Variants in GAB2 observed in about 807,000 individuals in gnomAD.
GAB2 encodes the protein GRB2 associated binding protein 2, also known as GRB2-associated-binding protein 2.
A neutral mutation model predicts 65.5 loss-of-function variants in GAB2; 26 were observed. The ratio of observed to expected loss-of-function variants is 0.40; its 90% CI spans 0.29 to 0.55. The LOEUF (loss-of-function observed/expected upper bound fraction) is 0.55, where lower values mean the gene tolerates loss of function less well. Among genes scored for constraint, GAB2 ranks in the 20% least tolerant of loss-of-function variants. The pLI, the probability that GAB2 is intolerant of heterozygous loss-of-function variation, is 0.53. For missense variants in GAB2, 884 were observed against 875.8 expected, an observed-to-expected ratio of 1.01 and a Z score of -0.12; for synonymous variants, 321 against 329.6, an observed-to-expected ratio of 0.97 and a Z score of 0.28.
intron 8 of GAB2, 41 bp from the exon 9 acceptor site, chr11:78,220,485 CA>C: frequency 6.6e-7 from 1 of 1,523,662 alleles, no homozygotes; most frequent in Non-Finnish European, 8.9e-7. Context: ...CTGCAGAAAA[CA>C]GACTAACCCA....
chr11:78,305,222 C>T (rs1855330957), intron 1 of GAB2, among the ~76,000 whole-genome samples: 1 of 152,184 alleles, frequency 6.6e-6, no homozygotes, highest in Non-Finnish European at 1.5e-5. Flanking sequence ...TTACTAAACT[C>T]ATACATGGAA....
intron 1 of GAB2, among the ~76,000 whole-genome samples, chr11:78,338,898 C>T (rs1472696761): frequency 6.6e-6 from 1 of 152,062 alleles, no homozygotes; most frequent in Non-Finnish European, 1.5e-5. Context: ...ACATACTGGT[C>T]ATCTTCTCCT....
intron 3 of GAB2, among the ~76,000 whole-genome samples, chr11:78,242,507 A>G (rs74849928): frequency 7.2e-6 from 1 of 139,760 alleles, no homozygotes; most frequent in South Asian, 2.1e-4. Context: ...GTCTCAAAAC[A>G]AAAAAAAAAG....
chr11:78,221,915 G>T, intron 7 of GAB2, 136 bp from the exon 8 acceptor site: 1 of 686,546 alleles, frequency 1.5e-6, no homozygotes. Flanking sequence ...ATTAAGATCT[G>T]ATATAGGGCA....
intron 3 of GAB2, among the ~76,000 whole-genome samples, chr11:78,242,952 C>T (rs1346400464): frequency 3.3e-5 from 5 of 151,928 alleles, no homozygotes; most frequent in Non-Finnish European, 5.9e-5. Flanking sequence ...CACTTGAGAT[C>T]AGGAGTTCGA....
At chr11:78,413,623 T>A (rs1173704783) in intron 1 of GAB2, among the ~76,000 whole-genome samples, 1 of 152,014 alleles carries the variant, frequency 6.6e-6, no homozygotes, top group Non-Finnish European at 1.5e-5. Flanking sequence ...ACCACCAAGT[T>A]TATCCCTGAA....
chr11:78,300,524 C>CAAAAAA (rs1491460683), intron 1 of GAB2, among the ~76,000 whole-genome samples: 1 of 134,816 alleles, frequency 7.4e-6, no homozygotes, highest in African/African-American at 3.6e-5. Flanking sequence ...TATAAAAAAA[C>CAAAAAA]AAAAAAACAA....
intron 2 of GAB2, among the ~76,000 whole-genome samples, chr11:78,266,341 C>T (rs1199036799): frequency 6.6e-6 from 1 of 152,086 alleles, no homozygotes; most frequent in East Asian, 1.9e-4. Flanking sequence ...ATCTCCTCCC[C>T]CAATCCCAAT....
At chr11:78,315,105 A>T (rs1251185673) in intron 1 of GAB2, among the ~76,000 whole-genome samples, 1 of 152,200 alleles carries the variant, frequency 6.6e-6, no homozygotes, top group East Asian at 1.9e-4. Flanking sequence ...GCTAATTGAG[A>T]GAGTAAGAGA....
chr11:78,215,996 AC>A lies in GAB2; in HGVS notation c.*3275del, dbSNP rs1203919873. On this transcript the variant is annotated 3_prime_UTR_variant, in exon 10 of 10. Coordinates refer to ENST00000361507, the MANE Select transcript of GAB2 (RefSeq NM_080491.3). Reference sequence around the variant, plus strand: ...AATGGGGCATACTTTGTTAACTTCTACATTGGAAACCACTAAAGTCAAGCTA... The same window carrying A: ...AATGGGGCATACTTTGTTAACTTCTAATTGGAAACCACTAAAGTCAAGCTA... 2 of 152,628 alleles carry A rather than the reference AC, an allele frequency of 1.3e-5. No homozygotes were observed. The highest frequency in any genetic ancestry group is 2.9e-5 in the Non-Finnish European group (2 of 68,042). The allele number at this position is 152,628 out of a possible 1,614,324, so 9.5% of individuals were successfully genotyped here. A position where few individuals can be genotyped will look rare whatever the true frequency, so the allele number is the denominator to read the frequency against.
At chr11:78,405,091 A>ATTTTT (rs1174366754) in intron 1 of GAB2, among the ~76,000 whole-genome samples, 27 of 93,234 alleles carry the variant, frequency 2.9e-4, no homozygotes, top group Non-Finnish European at 4.4e-4. Context: ...AAAAACATGG[A>ATTTTT]TTTTTTTTTT....
intron 2 of GAB2, among the ~76,000 whole-genome samples, chr11:78,269,550 T>C (rs575685657): frequency 6.6e-6 from 1 of 152,312 alleles, no homozygotes; most frequent in Admixed American, 6.5e-5. Context: ...GCACCAGTCA[T>C]TCTCTCTAGA....
chr11:78,263,503 G>GC (rs1590977781), intron 2 of GAB2, among the ~76,000 whole-genome samples: 2 of 151,998 alleles, frequency 1.3e-5, no homozygotes, highest in East Asian at 1.9e-4. Flanking sequence ...CATGGTGGTG[G>GC]GTGCCTGTAG....
chr11:78,363,713 T>C (rs1483514948), intron 1 of GAB2, among the ~76,000 whole-genome samples: 4 of 151,818 alleles, frequency 2.6e-5, no homozygotes. Context: ...GCCTCCCAAG[T>C]AGTTGGGACT....
intron 1 of GAB2, 104 bp downstream of exon 1, chr11:78,417,542 C>G (rs1438973888): frequency 4.4e-5 from 22 of 503,900 alleles, no homozygotes; most frequent in Non-Finnish European, 5.7e-5. Context: ...CCCGCGGCTC[C>G]GGGCCCGAGC....
chr11:78,307,393 T>A (rs186980493), intron 1 of GAB2, among the ~76,000 whole-genome samples: 1 of 152,064 alleles, frequency 6.6e-6, no homozygotes, highest in East Asian at 1.9e-4. Flanking sequence ...TTAAAATATA[T>A]CACAGAATTG....
intron 3 of GAB2, among the ~76,000 whole-genome samples, chr11:78,245,042 G>C (rs1023040020): frequency 6.6e-6 from 1 of 152,172 alleles, no homozygotes; most frequent in African/African-American, 2.4e-5. Context: ...AACCTAAGTG[G>C]TCATCAACAG....
At position 78,215,295 on chromosome 11, in the gene GAB2, CTGGGGTGCATT is replaced by C. The variant is rs1018318560; in HGVS notation, c.*3966_*3976del. Reference sequence around the variant, plus strand: ...GACAAGATGGACACGGCAGCTGGTTCTGGGGTGCATTTCTAGTGGACTTTATTGTCCTGCTC... The same window carrying C: ...GACAAGATGGACACGGCAGCTGGTTCTCTAGTGGACTTTATTGTCCTGCTC... On this transcript the variant is annotated 3_prime_UTR_variant, in exon 10 of 10. Transcript: ENST00000361507. The C allele has an allele frequency of 6.6e-6, 1 of 152,590 alleles. No individual in the cohort carries two copies. Among genetic ancestry groups the C allele is most frequent in the African/African-American group, 2.4e-5 (1 of 41,416 alleles). 9.5% of individuals were successfully genotyped at this position (152,590 alleles called of 1,614,324 possible). A position where few individuals can be genotyped will look rare whatever the true frequency, so the allele number is the denominator to read the frequency against.
At chr11:78,278,132 T>C (rs1281936804) in intron 2 of GAB2, among the ~76,000 whole-genome samples, 2 of 150,930 alleles carry the variant, frequency 1.3e-5, no homozygotes, top group Admixed American at 6.6e-5. Context: ...TGCAATGGCA[T>C]GGTCTTGGCT....
Sources: gnomAD v4.1 joint callset for allele counts (sites outside exome capture counted in the v4.1 genomes callset) on GRCh38, gnomAD v4.1.1 for gene constraint, MANE v1.5 for transcripts, NCBI Gene and HGNC (gene_info 2026-07-23, HGNC 2026-07-21) for gene names.